Variants in COMMD10 observed in about 807,000 individuals in gnomAD.
COMMD10 encodes COMM domain containing 10.
In COMMD10, 33 loss-of-function variants were observed where a neutral mutation model predicts 28.9. That is an observed-to-expected ratio of 1.14 (90% CI 0.87 to 1.53). COMMD10 has a LOEUF of 1.53. COMMD10 is among the 40% of genes most tolerant of loss of function. The pLI is 0.00. For synonymous variants in COMMD10, 110 were observed against 81.7 expected, an observed-to-expected ratio of 1.35 and a Z score of -1.87; for missense variants, 310 against 233.4, an observed-to-expected ratio of 1.33 and a Z score of -2.14.
chr5:116,123,048 C>T (rs1031958584), intron 4 of COMMD10, among the ~76,000 whole-genome samples: 1 of 152,094 alleles, frequency 6.6e-6, no homozygotes, highest in Non-Finnish European at 1.5e-5. Flanking sequence ...GCATCCCTGT[C>T]TTGTGCTAGT....
intron 4 of COMMD10, among the ~76,000 whole-genome samples, chr5:116,121,753 G>A (rs984612722): frequency 6.6e-6 from 1 of 152,192 alleles, no homozygotes; most frequent in African/African-American, 2.4e-5. Flanking sequence ...ATTTTTTCAT[G>A]TGTCTGTTGG....
At chr5:116,094,980 A>G (rs566474385) in intron 4 of COMMD10, among the ~76,000 whole-genome samples, 45 of 152,342 alleles carry the variant, frequency 3.0e-4, no homozygotes, top group African/African-American at 1.0e-3. Context: ...TCATGGAGGT[A>G]GAGAGTAGAA....
At chr5:116,092,850 T>G in intron 4 of COMMD10, 150 bp downstream of exon 4, 1 of 495,876 alleles carries the variant, frequency 2.0e-6, no homozygotes. Context: ...TGGCCTTACA[T>G]CCTGATAGAC....
chr5:116,156,853 T>C (rs1399485778), intron 5 of COMMD10, among the ~76,000 whole-genome samples: 1 of 152,176 alleles, frequency 6.6e-6, no homozygotes, highest in East Asian at 1.9e-4. Flanking sequence ...AGTTGTATTT[T>C]CCAACCCTGC....
chr5:116,239,903 A>G (rs1319479545), intron 5 of COMMD10, among the ~76,000 whole-genome samples: 3 of 152,146 alleles, frequency 2.0e-5, no homozygotes, highest in Non-Finnish European at 4.4e-5. Flanking sequence ...GATTGGCACT[A>G]TCTACTTATA....
intron 5 of COMMD10, among the ~76,000 whole-genome samples, chr5:116,173,409 T>G (rs2112584936): frequency 6.6e-6 from 1 of 152,244 alleles, no homozygotes; most frequent in Admixed American, 6.6e-5. Context: ...ACTTTGGAAT[T>G]TCCTGATTTT....
chr5:116,278,955 C>G (rs1214360913), intron 5 of COMMD10, among the ~76,000 whole-genome samples: 1 of 151,824 alleles, frequency 6.6e-6, no homozygotes, highest in Admixed American at 6.6e-5. Context: ...ACAAAATCCA[C>G]TTATTCTGAT....
At chr5:116,153,331 T>C (rs1752599221) in intron 5 of COMMD10, among the ~76,000 whole-genome samples, 1 of 152,016 alleles carries the variant, frequency 6.6e-6, no homozygotes, top group Non-Finnish European at 1.5e-5. Context: ...AGGGGGCATC[T>C]GATTTCTTCA....
chr5:116,182,783 C>A (rs1285532147), intron 5 of COMMD10, among the ~76,000 whole-genome samples: 1 of 152,038 alleles, frequency 6.6e-6, no homozygotes, highest in Non-Finnish European at 1.5e-5. Context: ...TGTCTCCTCA[C>A]CCAAAATCTC....
At chr5:116,292,423 C>CTTTTT (rs11337562) in intron 6 of COMMD10, 28 bp from the exon 7 acceptor site, 4 of 1,269,534 alleles carry the variant, frequency 3.2e-6, no homozygotes, top group Non-Finnish European at 3.2e-6. Flanking sequence ...TCACTAACGT[C>CTTTTT]TTTTTTTTTT....
rs1751418584 is a variant in COMMD10, at chr5:116,293,196, T to G, written c.*707T>G. The G allele has an allele frequency of 2.6e-6, 1 of 389,076 alleles. No homozygotes were observed. Among genetic ancestry groups the G allele is most frequent in the Non-Finnish European group, 4.5e-6 (1 of 220,198 alleles). The allele number at this position is 389,076 out of a possible 1,614,324, so 24.1% of individuals were successfully genotyped here. ...TGAATAAAATAATTGTAATGAGTGCTAAATGGGCACCATTATTCGAATCAG... is the reference window on the plus strand; with the variant it reads ...TGAATAAAATAATTGTAATGAGTGCGAAATGGGCACCATTATTCGAATCAG... On this transcript the variant is annotated 3_prime_UTR_variant, in exon 7 of 7. Transcript: ENST00000274458.
chr5:116,233,221 G>A (rs1284509578), intron 5 of COMMD10, among the ~76,000 whole-genome samples: 1 of 152,026 alleles, frequency 6.6e-6, no homozygotes, highest in East Asian at 1.9e-4. Context: ...GAGAGAGAAA[G>A]ACTACATTCT....
At chr5:116,225,199 A>G (rs1328375798) in intron 5 of COMMD10, among the ~76,000 whole-genome samples, 1 of 151,886 alleles carries the variant, frequency 6.6e-6, no homozygotes. Context: ...CACTGATAGC[A>G]TATTTTTCTT....
intron 4 of COMMD10, among the ~76,000 whole-genome samples, chr5:116,109,144 C>G (rs933955008): frequency 1.3e-5 from 2 of 152,160 alleles, no homozygotes; most frequent in Non-Finnish European, 2.9e-5. Flanking sequence ...TCTTTTTGGC[C>G]GTCTTGCCAG....
chr5:116,270,878 G>A (rs940702138), intron 5 of COMMD10, among the ~76,000 whole-genome samples: 14 of 151,634 alleles, frequency 9.2e-5, no homozygotes, highest in African/African-American at 3.4e-4. Flanking sequence ...GGTGGAGGTT[G>A]CAGTCAGCCG....
chr5:116,291,488 A>T, intron 5 of COMMD10, 29 bp from the exon 6 acceptor site: 2 of 1,514,706 alleles, frequency 1.3e-6, no homozygotes, highest in South Asian at 1.2e-5. Flanking sequence ...GTGCAACTAC[A>T]TTCTTTTTGT....
At chr5:116,086,761 T>G (rs1165085962) in intron 1 of COMMD10, among the ~76,000 whole-genome samples, 1 of 152,134 alleles carries the variant, frequency 6.6e-6, no homozygotes, top group Non-Finnish European at 1.5e-5. Flanking sequence ...CAGGACTGAT[T>G]GAGCTCAGGA....
At position 116,272,284 on chromosome 5, in the gene COMMD10, A is replaced by G. The variant is rs1580602509; in HGVS notation, c.511-19233A>G. Among the ~76,000 whole-genome samples the G allele has an allele frequency of 6.6e-5, 10 of 152,004 alleles. 2 individuals carry two copies. In the South Asian group the frequency reaches 2.1e-3, roughly 32 times the overall value. On this transcript the variant is annotated intron_variant, in intron 5 of 6. Transcript: ENST00000274458. Reference sequence around the variant, plus strand: ...TTAAGATCAGGAAATAAAAAGTCAGAGGAGGCAAATCAGGTTTGTAAGGGG... The same window carrying G: ...TTAAGATCAGGAAATAAAAAGTCAGGGGAGGCAAATCAGGTTTGTAAGGGG...
chr5:116,270,438 T>C (rs1750723176), intron 5 of COMMD10, among the ~76,000 whole-genome samples: 1 of 151,878 alleles, frequency 6.6e-6, no homozygotes, highest in Non-Finnish European at 1.5e-5. Flanking sequence ...TGACTGTCTT[T>C]TGTAGAGAGT....
Sources: gnomAD v4.1 joint callset for allele counts (sites outside exome capture counted in the v4.1 genomes callset) on GRCh38, gnomAD v4.1.1 for gene constraint, MANE v1.5 for transcripts, NCBI Gene and HGNC (gene_info 2026-07-23, HGNC 2026-07-21) for gene names.